Variants in ALG2 observed in about 807,000 individuals in gnomAD.
ALG2 encodes alpha-1,3/1,6-mannosyltransferase ALG2.
Under a neutral mutation model 30.5 loss-of-function variants are expected in ALG2, and 32 were observed. The ratio of observed to expected loss-of-function variants is 1.05; its 90% CI spans 0.79 to 1.41. ALG2 has a LOEUF of 1.41. Among genes scored for constraint, ALG2 ranks in the 40% most tolerant of loss-of-function variants. The pLI is 0.00. For synonymous variants in ALG2, 253 were observed against 224.8 expected, an observed-to-expected ratio of 1.13 and a Z score of -1.12; for missense variants, 574 against 526.4, an observed-to-expected ratio of 1.09 and a Z score of -0.88.
At position 99,216,494 on chromosome 9, in the gene ALG2, C is replaced by T. The variant is rs997348627; in HGVS notation, c.*1440G>A. On this transcript the variant is annotated 3_prime_UTR_variant, in exon 2 of 2. Coordinates refer to ENST00000476832, the MANE Select transcript of ALG2 (RefSeq NM_033087.4). Reference sequence around the variant, plus strand: ...TTGGCACCCTCATTTTATAGTACTCCTTTTTGGTACAGAATCATTTTGCCA... The same window carrying T: ...TTGGCACCCTCATTTTATAGTACTCTTTTTTGGTACAGAATCATTTTGCCA... The T allele has an allele frequency of 4.7e-5, 21 of 450,058 alleles. No homozygotes were observed. Among genetic ancestry groups the T allele is most frequent in the African/African-American group, 3.6e-4 (18 of 49,822 alleles). The allele number at this position is 450,058 out of a possible 1,614,324, so 27.9% of individuals were successfully genotyped here.
Position 99,217,962 on chromosome 9 carries a change from T to C in ALG2, c.1223A>G (p.Tyr408Cys), listed in dbSNP as rs775078102. The C allele has an allele frequency of 3.7e-6, 6 of 1,614,254 alleles. No individual in the cohort carries two copies. Among genetic ancestry groups the C allele is most frequent in the Non-Finnish European group, 5.1e-6 (6 of 1,180,038 alleles). The part of the protein sequence containing the change: ...FSPEAFTEQL[Y>C]RYVTKLLV ...TACCAGCAGTTTGGTAACATATCGG[T>C]AGAGCTGTTCTGTAAATGCTTCAGG... Residue 408 changes from tyrosine (Y) to cysteine (C), a missense_variant, in exon 2 of 2, where the codon TAC (tyrosine) becomes TGC (cysteine). Coordinates refer to ENST00000476832, the MANE Select transcript of ALG2 (RefSeq NM_033087.4).
rs1828698381 is a variant in ALG2, at chr9:99,216,734, A to C, written c.*1200T>G. On this transcript the variant is annotated 3_prime_UTR_variant, in exon 2 of 2. Transcript: ENST00000476832. ...TATTATCATAATCTGTTATAACCGC[A>C]CTATGAGGAAAGTAGAATAGTACAA... 2.2e-6 allele frequency: 1 copy of C among 452,638 alleles called. No individual in the cohort carries two copies. The highest frequency in any genetic ancestry group is 4.4e-6 in the Non-Finnish European group (1 of 225,946). The allele number at this position is 452,638 out of a possible 1,614,324, so 28.0% of individuals were successfully genotyped here.
chr9:99,220,053 G>GT (rs1343611697), intron 1 of ALG2, among the ~76,000 whole-genome samples: 2 of 152,228 alleles, frequency 1.3e-5, no homozygotes, highest in Admixed American at 6.5e-5. Flanking sequence ...AAAGCATGGA[G>GT]TAAGAGGCTC....
Position 99,221,899 on chromosome 9 carries a change from C to G in ALG2, c.-5G>C, listed in dbSNP as rs757415411. 1.9e-6 allele frequency: 3 copies of G among 1,582,660 alleles called. No homozygotes were observed. The highest frequency in any genetic ancestry group is 1.1e-5 in the South Asian group (1 of 89,208). ...CCGGCCCTGCTCCTCCGCCATGGCC[C>G]TGGAGCCGCAACTGCACCCCGCACC... is the stretch of plus-strand genomic sequence containing the variant. On this transcript the variant is annotated 5_prime_UTR_variant, in exon 1 of 2. Transcript: ENST00000476832.
rs1448778577 is a variant in ALG2, at chr9:99,217,002, G to A, written c.*932C>T. ...ATAAGTCAGTGTCACGAAAATATCA[G>A]TGTCATGAAAAGGCTAGAGTACATG... is the stretch of plus-strand genomic sequence containing the variant. On this transcript the variant is annotated 3_prime_UTR_variant, in exon 2 of 2. Coordinates refer to ENST00000476832, the MANE Select transcript of ALG2 (RefSeq NM_033087.4). 4.4e-6 allele frequency: 2 copies of A among 454,022 alleles called. No homozygotes were observed. The highest frequency in any genetic ancestry group is 8.8e-6 in the Non-Finnish European group (2 of 226,806). The allele number at this position is 454,022 out of a possible 1,614,324, so 28.1% of individuals were successfully genotyped here.
chr9:99,221,921 C>T lies in ALG2; in HGVS notation c.-27G>A. ...GCCCTGGAGCCGCAACTGCACCCCG[C>T]ACCCTGATGGGGGTCTTCTGCGCAA... On this transcript the variant is annotated 5_prime_UTR_variant, in exon 1 of 2. Transcript: ENST00000476832. 6.4e-7 allele frequency: 1 copy of T among 1,564,800 alleles called. No individual in the cohort carries two copies. The highest frequency in any genetic ancestry group is 8.6e-7 in the Non-Finnish European group (1 of 1,161,298).
In ALG2 at chr9:99,221,746, C is replaced by T. The variant is rs1299339070; in HGVS notation, c.149G>A (p.Trp50Ter). Reference protein sequence around the residue: ...LQARGCSVKIWTAHYDPGHCF... With the variant: ...LQARGCSVKI ...GTGGCCCGGGTCGTAGTGCGCTGTCCAGATCTTCACGCTACACCCGCGCGC... is the reference window on the plus strand; with the variant it reads ...GTGGCCCGGGTCGTAGTGCGCTGTCTAGATCTTCACGCTACACCCGCGCGC... The change falls in exon 1 of 2, where the codon TGG becomes TAG. Residue 50 changes from tryptophan (W) to a stop codon, truncating the protein, a stop_gained. Coordinates refer to ENST00000476832, the MANE Select transcript of ALG2 (RefSeq NM_033087.4). LOFTEE classifies it high-confidence loss of function. 1.3e-6 allele frequency: 2 copies of T among 1,598,964 alleles called. No individual in the cohort carries two copies. Among genetic ancestry groups the T allele is most frequent in the South Asian group, 1.1e-5 (1 of 91,048 alleles).
rs577290860 is a variant in ALG2 at position 99,217,863 on chromosome 9, C to A, written c.*71G>T. On this transcript the variant is annotated 3_prime_UTR_variant, in exon 2 of 2. Transcript: ENST00000476832. ...CTCTTCTGCATTAGATTCTAGGTTTCTTTTTTGGTTTCAAAACTGGGTCTA... is the reference window on the plus strand; with the variant it reads ...CTCTTCTGCATTAGATTCTAGGTTTATTTTTTGGTTTCAAAACTGGGTCTA... 3 of 1,534,578 alleles carry A rather than the reference C, an allele frequency of 2.0e-6. No individual in the cohort carries two copies. In the South Asian group the frequency reaches 3.4e-5, roughly 17 times the overall value.
rs547365701 is a variant in ALG2, at chr9:99,221,628, G to A, written c.267C>T (p.Cys89=). 1.9e-6 allele frequency: 3 copies of A among 1,540,190 alleles called. No homozygotes were observed. Among genetic ancestry groups the A allele is most frequent in the Non-Finnish European group, 1.7e-6 (2 of 1,145,156 alleles). The change falls in exon 1 of 2, where the codon TGC becomes TGT. Residue 89 remains cysteine (C), a synonymous_variant. Coordinates refer to ENST00000476832, the MANE Select transcript of ALG2 (RefSeq NM_033087.4). ...LGWGGRGAAV[C]AYVRMVFLAL... ...CCAGGAAAACCATGCGCACGTAGGC[G>A]CAGACGGCGGCGCCGCGGCCGCCCC...
intron 1 of ALG2, 80 bp downstream of exon 1, chr9:99,221,467 T>A: frequency 7.0e-7 from 1 of 1,426,134 alleles, no homozygotes; most frequent in Non-Finnish European, 9.5e-7. Flanking sequence ...ACAGGGAAGG[T>A]CTTCTCTCAG....
Position 99,221,869 on chromosome 9 carries a change from C to G in ALG2, c.26G>C (p.Arg9Pro), listed in dbSNP as rs1828815309. The G allele has an allele frequency of 6.3e-6, 10 of 1,590,648 alleles. No homozygotes were observed. The highest frequency in any genetic ancestry group is 8.5e-6 in the Non-Finnish European group (10 of 1,175,824). The change falls in exon 1 of 2, where the codon CGG (arginine) becomes CCG (proline). Residue 9 changes from arginine to proline, a missense_variant. Coordinates refer to ENST00000476832, the MANE Select transcript of ALG2 (RefSeq NM_033087.4). MAEEQGRERDSVPKPSVLF... is the reference protein window; with the variant it reads MAEEQGREPDSVPKPSVLF... ...CACCGACGGCTTGGGAACCGAGTCC[C>G]GTTCCCGGCCCTGCTCCTCCGCCAT...
chr9:99,217,992 A>G lies in ALG2; in HGVS notation c.1193T>C (p.Phe398Ser), dbSNP rs1828723159. The change falls in exon 2 of 2, where the codon TTT (phenylalanine) becomes TCT (serine). Residue 398 changes from phenylalanine to serine, a missense_variant. Phe to Ser is a radical substitution (Grantham distance 155). Coordinates refer to ENST00000476832, the MANE Select transcript of ALG2 (RefSeq NM_033087.4). Reference sequence around the variant, plus strand: ...CTGTTCTGTAAATGCTTCAGGGGAAAATTTTTCCTTCACTCTGGCTCTTCC... The same window carrying G: ...CTGTTCTGTAAATGCTTCAGGGGAAGATTTTTCCTTCACTCTGGCTCTTCC... ...LAGRARVKEKFSPEAFTEQLY... is the reference protein window; with the variant it reads ...LAGRARVKEKSSPEAFTEQLY... The G allele has an allele frequency of 1.2e-6, 2 of 1,614,178 alleles. No homozygotes were observed. The highest frequency in any genetic ancestry group is 1.7e-6 in the Non-Finnish European group (2 of 1,180,032).
chr9:99,221,553 G>A lies in ALG2; in HGVS notation c.342C>T (p.Cys114=). The change falls in exon 1 of 2, where the codon TGC becomes TGT. Residue 114 remains cysteine (C), a synonymous_variant. Coordinates refer to ENST00000476832, the MANE Select transcript of ALG2 (RefSeq NM_033087.4). Reference sequence around the variant, plus strand: ...GGCCCCGCGGCCGCCTCACCTGGTCGCACACTACCACGTCGAACTCCTCGT... The same window carrying A: ...GGCCCCGCGGCCGCCTCACCTGGTCACACACTACCACGTCGAACTCCTCGT... ...LADEEFDVVV[C]DQVSACIPVF... The A allele has an allele frequency of 1.9e-6, 3 of 1,543,558 alleles. No homozygotes were observed. The highest frequency in any genetic ancestry group is 2.6e-6 in the Non-Finnish European group (3 of 1,146,158).
chr9:99,221,649 GC>G lies in ALG2; in HGVS notation c.245del (p.Gly82AlafsTer31). The stretch of plus-strand genomic sequence containing the variant: ...AGGCGCAGACGGCGGCGCCGCGGCC[GC>G]CCCAGCCCAGGCCTCGCGGCAGCCA... ...GDWLPRGLGW[G>X]GRGAAVCAYV... On this transcript the variant is annotated frameshift_variant, in exon 1 of 2. Transcript: ENST00000476832. LOFTEE classifies it high-confidence loss of function. The G allele has an allele frequency of 1.3e-6, 2 of 1,541,680 alleles. No homozygotes were observed. Among genetic ancestry groups the G allele is most frequent in the South Asian group, 1.2e-5 (1 of 84,632 alleles).
In ALG2 at chr9:99,218,469, T is replaced by G. The variant is rs886063261; in HGVS notation, c.716A>C (p.Asn239Thr). 1.2e-6 allele frequency: 2 copies of G among 1,614,236 alleles called. No homozygotes were observed. The highest frequency in any genetic ancestry group is 1.7e-6 in the Non-Finnish European group (2 of 1,180,052). ...TAGGGCTTCCAGTGCCAAAGTCAGA[T>G]TTTTCTTCCTTTCGTATCTGTTGAT... ...LSINRYERKK[N>T]LTLALEALVQ... Residue 239 changes from asparagine (N) to threonine (T), a missense_variant, in exon 2 of 2, where the codon AAT (asparagine) becomes ACT (threonine). Transcript: ENST00000476832.
rs1348237701 is a variant in ALG2 at position 99,218,423 on chromosome 9, C to T, written c.762G>A (p.Leu254=). 6.2e-7 allele frequency: 1 copy of T among 1,614,242 alleles called. No homozygotes were observed. The highest frequency in any genetic ancestry group is 2.2e-5 in the East Asian group (1 of 44,892). The part of the protein sequence containing the change: ...LEALVQLRGR[L]TSQDWERVHL... ...GAACCCTCTCCCAATCTTGGGATGT[C>T]AATCTTCCACGCAGCTGTACTAGGG... The change falls in exon 2 of 2, where the codon TTG becomes TTA. Residue 254 remains leucine (L), a synonymous_variant. Coordinates refer to ENST00000476832, the MANE Select transcript of ALG2 (RefSeq NM_033087.4).
intron 1 of ALG2, chr9:99,221,239 C>T: frequency 8.4e-7 from 1 of 1,196,754 alleles, no homozygotes; most frequent in Non-Finnish European, 1.1e-6. Flanking sequence ...ACCAGCGTTT[C>T]TCAGAGCCCC....
rs1293378034 is a variant in ALG2, at chr9:99,217,587, C to T, written c.*347G>A. The T allele has an allele frequency of 2.1e-6, 1 of 466,244 alleles. No individual in the cohort carries two copies. 28.9% of individuals were successfully genotyped at this position (466,244 alleles called of 1,614,324 possible). A position where few individuals can be genotyped will look rare whatever the true frequency, so the allele number is the denominator to read the frequency against. ...ATTAATCAACTTTGATAATGATACA[C>T]ACTTAAACTATGAAAACCAATTAAG... On this transcript the variant is annotated 3_prime_UTR_variant, in exon 2 of 2. Transcript: ENST00000476832.
chr9:99,219,917 C>T (rs950630198), intron 1 of ALG2, among the ~76,000 whole-genome samples: 2 of 152,162 alleles, frequency 1.3e-5, no homozygotes, highest in African/African-American at 4.8e-5. Flanking sequence ...AAGAAAGCTT[C>T]CATGCAAGCA....
Sources: gnomAD v4.1 joint callset for allele counts (sites outside exome capture counted in the v4.1 genomes callset) on GRCh38, gnomAD v4.1.1 for gene constraint, MANE v1.5 for transcripts, NCBI Gene and HGNC (gene_info 2026-07-23, HGNC 2026-07-21) for gene names.